NCKAP5: variants seen among roughly 807,000 people sequenced by gnomAD.
The protein encoded by NCKAP5 is nck-associated protein 5.
A neutral mutation model predicts 167.0 loss-of-function variants in NCKAP5; 92 were observed. The ratio of observed to expected loss-of-function variants is 0.55; its 90% CI spans 0.47 to 0.66. The LOEUF (loss-of-function observed/expected upper bound fraction) is 0.66. Among genes scored for constraint, NCKAP5 ranks in the 30% least tolerant of loss-of-function variants. The pLI, the probability that NCKAP5 is intolerant of heterozygous loss-of-function variation, is 0.00. For missense variants in NCKAP5, 2,378 were observed against 2,315.0 expected, an observed-to-expected ratio of 1.03 and a Z score of -0.56; for synonymous variants, 891 against 877.4, an observed-to-expected ratio of 1.02 and a Z score of -0.27.
At chr2:133,639,400 T>C in the NCKAP5 span, among the ~76,000 whole-genome samples, 4 of 152,238 alleles carry the variant, frequency 2.6e-5, no homozygotes, top group Non-Finnish European at 4.4e-5. Context: ...AAGTAGCTTA[T>C]AATGATCATC....
chr2:133,187,000 C>T (rs76393133), intron 5 of NCKAP5, among the ~76,000 whole-genome samples: 8,906 of 151,728 alleles, frequency 0.059, 290 homozygotes, highest in African/African-American at 0.083. Context: ...CTGCAAGCTT[C>T]GGGTTTGGTT....
At chr2:133,504,358 C>T (rs1442551553) in intron 3 of NCKAP5, among the ~76,000 whole-genome samples, 1 of 21,942 alleles carries the variant, frequency 4.6e-5, no homozygotes, top group Non-Finnish European at 9.8e-5. Context: ...CCATTTATGT[C>T]CAGCCTTCCA....
At chr2:133,116,506 A>G (rs1482497363) in intron 6 of NCKAP5, among the ~76,000 whole-genome samples, 2 of 150,576 alleles carry the variant, frequency 1.3e-5, no homozygotes, top group African/African-American at 2.4e-5. Context: ...AAAAAAAAAA[A>G]AAAAAAAAAA....
chr2:132,769,004 G>C (rs1681786696), intron 16 of NCKAP5, among the ~76,000 whole-genome samples: 1 of 148,402 alleles, frequency 6.7e-6, no homozygotes, highest in Admixed American at 6.8e-5. Flanking sequence ...GAGTGCAGTG[G>C]TGTGATCATG....
chr2:132,924,764 G>C (rs1029076288), intron 8 of NCKAP5, among the ~76,000 whole-genome samples: 4 of 152,078 alleles, frequency 2.6e-5, no homozygotes, highest in Non-Finnish European at 4.4e-5. Context: ...AGAGTAAGTT[G>C]AGAGGCTATA....
chr2:133,487,136 C>T (rs536620353), intron 3 of NCKAP5, among the ~76,000 whole-genome samples: 1 of 152,190 alleles, frequency 6.6e-6, no homozygotes, highest in East Asian at 1.9e-4. Flanking sequence ...TCCCCAGCCA[C>T]AAAGAAAATA....
chr2:132,856,531 G>T (rs774357596), intron 11 of NCKAP5, among the ~76,000 whole-genome samples: 9 of 152,062 alleles, frequency 5.9e-5, no homozygotes, highest in Non-Finnish European at 1.0e-4. Context: ...TTCCTAACTT[G>T]GCCTAAGGAT....
Position 133,089,818 on chromosome 2 carries a change from A to T in NCKAP5, c.341+40160T>A, listed in dbSNP as rs925329520. On this transcript the variant is annotated intron_variant, in intron 6 of 19. Transcript: ENST00000409261. ...TAAAAGATCATAACACACCCATGAT[A>T]ACTGGGATGACAACAAAAGTTCCGG... Among the ~76,000 whole-genome samples, 3 of 152,326 alleles carry T rather than the reference A, an allele frequency of 2.0e-5. No individual in the cohort carries two copies. In the East Asian group the frequency reaches 5.8e-4, roughly 29 times the overall value.
rs527745328 is a variant in NCKAP5, at chr2:133,405,324, T to C, written c.70-102214A>G. On this transcript the variant is annotated intron_variant, in intron 3 of 19. Transcript: ENST00000409261. ...TTATACTTGAACAAAGCTTATCTAA[T>C]ACACATACTTTCTACATAAGGCACA... Among the ~76,000 whole-genome samples, 105 of 152,132 alleles carry C rather than the reference T, an allele frequency of 6.9e-4. 1 individual carries two copies. The highest frequency in any genetic ancestry group is 3.2e-3 in the Middle Eastern group (1 of 316).
intron 5 of NCKAP5, among the ~76,000 whole-genome samples, chr2:133,151,571 T>C (rs1369365851): frequency 6.6e-6 from 1 of 152,072 alleles, no homozygotes; most frequent in African/African-American, 2.4e-5. Context: ...AACAATGAGA[T>C]ACCATGACAC....
At chr2:133,524,934 G>T (rs72990487) in intron 2 of NCKAP5, among the ~76,000 whole-genome samples, 1 of 152,106 alleles carries the variant, frequency 6.6e-6, no homozygotes, top group Non-Finnish European at 1.5e-5. Context: ...GTTCATGTGT[G>T]TATGAGCATG....
the NCKAP5 span, among the ~76,000 whole-genome samples, chr2:133,591,409 T>C: frequency 1.3e-5 from 2 of 152,176 alleles, no homozygotes; most frequent in Admixed American, 6.5e-5. Context: ...TCTTTCCAAA[T>C]GGATAATTTA....
chr2:133,210,414 A>G (rs2086160677), intron 5 of NCKAP5, among the ~76,000 whole-genome samples: 2 of 152,108 alleles, frequency 1.3e-5, no homozygotes, highest in Non-Finnish European at 2.9e-5. Flanking sequence ...GACTGCTTAC[A>G]TAATTTCTTC....
chr2:132,794,490 G>A (rs1684412385), intron 12 of NCKAP5, among the ~76,000 whole-genome samples: 1 of 151,328 alleles, frequency 6.6e-6, no homozygotes, highest in African/African-American at 2.4e-5. Context: ...AAAAAATTTA[G>A]CCAGGCATGG....
At chr2:133,605,024 A>C in the NCKAP5 span, among the ~76,000 whole-genome samples, 1 of 152,194 alleles carries the variant, frequency 6.6e-6, no homozygotes, top group Non-Finnish European at 1.5e-5. Context: ...TTTCTTTCTC[A>C]AGATTGAAAC....
intron 4 of NCKAP5, among the ~76,000 whole-genome samples, chr2:133,236,789 C>T (rs552561520): frequency 3.9e-5 from 6 of 152,278 alleles, no homozygotes; most frequent in Admixed American, 6.5e-5. Context: ...GAAGTTCAAG[C>T]TTGGGAATCT....
chr2:133,288,540 C>T (rs1679330292), intron 4 of NCKAP5, among the ~76,000 whole-genome samples: 1 of 151,930 alleles, frequency 6.6e-6, no homozygotes, highest in African/African-American at 2.4e-5. Context: ...CTCAGAGTTG[C>T]TGCTCTGTTT....
At chr2:133,248,263 C>G (rs2088106292) in intron 4 of NCKAP5, among the ~76,000 whole-genome samples, 1 of 152,164 alleles carries the variant, frequency 6.6e-6, no homozygotes, top group Non-Finnish European at 1.5e-5. Flanking sequence ...ACTATTTATT[C>G]CTAAATCTAC....
intron 5 of NCKAP5, among the ~76,000 whole-genome samples, chr2:133,134,124 CAT>C (rs1213786634): frequency 6.6e-6 from 1 of 152,198 alleles, no homozygotes; most frequent in Non-Finnish European, 1.5e-5. Context: ...ACACAAAACA[CAT>C]ATTTCAAACA....
Sources: gnomAD v4.1 joint callset for allele counts (sites outside exome capture counted in the v4.1 genomes callset) on GRCh38, gnomAD v4.1.1 for gene constraint, MANE v1.5 for transcripts, NCBI Gene and HGNC (gene_info 2026-07-23, HGNC 2026-07-21) for gene names.